PREX2: variants seen among roughly 807,000 people sequenced by gnomAD.
PREX2 encodes the protein phosphatidylinositol 3,4,5-trisphosphate-dependent Rac exchanger 2 protein.
PREX2 carries 107 observed loss-of-function variants against 203.2 expected under a neutral mutation model. The ratio of observed to expected loss-of-function variants is 0.53; its 90% confidence interval spans 0.45 to 0.62. PREX2 has a LOEUF of 0.62. Among genes scored for constraint, PREX2 ranks in the 20% least tolerant of loss-of-function variants. The pLI is 0.00. For synonymous variants in PREX2, 672 were observed against 663.6 expected (o/e 1.01, Z -0.19); for missense variants, 1,777 against 1,955.9 (o/e 0.91, Z 1.72).
chr8:68,211,094 C>T (rs1297271722), intron 37 of PREX2, among the ~76,000 whole-genome samples: 1 of 152,144 alleles, frequency 6.6e-6, no homozygotes, highest in East Asian at 1.9e-4. Flanking sequence ...AGTTCACATG[C>T]TTTTCCTGAC....
rs1338403191 is a variant in PREX2 at position 68,090,677 on chromosome 8, C to G, written c.2212C>G (p.His738Asp). ...SKETHASVIA[H>D]VTACRKYRRP... ...AGAGACACATGCCAGTGTCATTGCACACGTTACAGCCTGCAGGAAGTACAG... is the reference window on the plus strand; with the variant it reads ...AGAGACACATGCCAGTGTCATTGCAGACGTTACAGCCTGCAGGAAGTACAG... Residue 738 changes from histidine (H) to aspartate (D), a missense_variant, in exon 20 of 40, where the codon CAC (histidine) becomes GAC (aspartate). Transcript: ENST00000288368. 1.2e-6 allele frequency: 2 copies of G among 1,613,960 alleles called. No homozygotes were observed. The highest frequency in any genetic ancestry group is 1.1e-5 in the South Asian group (1 of 91,064).
rs146962684 is a variant in PREX2 at position 68,192,347 on chromosome 8, C to G, written c.4426C>G (p.Leu1476Val). ...TTTTTTTCTGCAGCTAATGAGGCCTCTCAACGCTTTGGATGAACTTTACCG... is the reference window on the plus strand; with the variant it reads ...TTTTTTTCTGCAGCTAATGAGGCCTGTCAACGCTTTGGATGAACTTTACCG... ...AAYVDKLMRP[L>V]NALDELYRLV... The change falls in exon 37 of 40, where the codon CTC becomes GTC. Residue 1476 changes from leucine to valine, a missense_variant. Physicochemically the swap from Leu to Val is conservative, Grantham distance 32 (BLOSUM62 1). Transcript: ENST00000288368. The G allele has an allele frequency of 1.5e-5, 24 of 1,600,864 alleles. No individual in the cohort carries two copies. In the African/African-American group the frequency reaches 3.1e-4, roughly 21 times the overall value.
chr8:68,194,587 T>C, intron 37 of PREX2, among the ~76,000 whole-genome samples: 1 of 150,858 alleles, frequency 6.6e-6, no homozygotes, highest in Non-Finnish European at 1.5e-5. Context: ...GGTCAGGAGT[T>C]CGAGAGCAAA....
At position 68,235,314 on chromosome 8, in the gene PREX2, A is replaced by C. The variant is rs1427600484; in HGVS notation, c.*3936A>C. The C allele has an allele frequency of 6.6e-6, 1 of 152,144 alleles. No homozygotes were observed. Among genetic ancestry groups the C allele is most frequent in the East Asian group, 1.9e-4 (1 of 5,194 alleles). 9.4% of individuals were successfully genotyped at this position (152,144 alleles called of 1,614,324 possible). A position where few individuals can be genotyped will look rare whatever the true frequency, so the allele number is the denominator to read the frequency against. ...AGACTTTATGCACTAGTGGTATTGA[A>C]ACTAACCTTTAATATTTGACTAAAT... On this transcript the variant is annotated 3_prime_UTR_variant, in exon 40 of 40. Coordinates refer to ENST00000288368, the MANE Select transcript of PREX2 (RefSeq NM_024870.4).
chr8:68,018,837 G>C (rs982035276), intron 2 of PREX2, among the ~76,000 whole-genome samples: 3 of 152,058 alleles, frequency 2.0e-5, no homozygotes, highest in African/African-American at 4.8e-5. Context: ...TATTTTGCTG[G>C]AAATATAAAA....
chr8:68,198,774 G>C (rs1024040687), intron 37 of PREX2, among the ~76,000 whole-genome samples: 23 of 152,170 alleles, frequency 1.5e-4, no homozygotes, highest in African/African-American at 4.3e-4. Flanking sequence ...TCTAGTGAAG[G>C]TGAGAAATCT....
chr8:68,176,474 C>T (rs1301380368), intron 35 of PREX2, among the ~76,000 whole-genome samples: 1 of 152,138 alleles, frequency 6.6e-6, no homozygotes, highest in African/African-American at 2.4e-5. Flanking sequence ...GTTGGCCAAA[C>T]TTGGATTCCA....
chr8:68,109,740 A>T, intron 25 of PREX2, 117 bp downstream of exon 25: 1 of 789,816 alleles, frequency 1.3e-6, no homozygotes, highest in Non-Finnish European at 2.1e-6. Context: ...ATTTGTGCTG[A>T]TTATATAGAT....
intron 26 of PREX2, among the ~76,000 whole-genome samples, chr8:68,116,503 C>G (rs1219004536): frequency 6.6e-6 from 1 of 152,154 alleles, no homozygotes; most frequent in Non-Finnish European, 1.5e-5. Flanking sequence ...TCACACAGTT[C>G]TGGAGGCCAA....
In PREX2 at chr8:67,976,509, CAGACAG is replaced by C. The variant is rs1216701428; in HGVS notation, c.141+23990_141+23995del. On this transcript the variant is annotated intron_variant, in intron 1 of 39. Transcript: ENST00000288368. ...GAGGGGAGAGAGACAGAGAGAGGGACAGACAGAGACAGAGACAGAGAGAGAGAGACG... is the reference window on the plus strand; with the variant it reads ...GAGGGGAGAGAGACAGAGAGAGGGACAGACAGAGACAGAGAGAGAGAGACG... 1.5e-3 allele frequency among the ~76,000 whole-genome samples: 75 copies of C among 49,130 alleles called. 2 individuals carry two copies. Among genetic ancestry groups the C allele is most frequent in the African/African-American group, 4.6e-3 (64 of 13,784 alleles). 32.2% of individuals were successfully genotyped at this position (49,130 alleles called of 152,430 possible).
intron 35 of PREX2, among the ~76,000 whole-genome samples, chr8:68,178,892 A>AAAACATC (rs1306280358): frequency 4.6e-5 from 7 of 152,328 alleles, no homozygotes; most frequent in African/African-American, 1.7e-4. Flanking sequence ...ATTACATATA[A>AAAACATC]AAACATCAAT....
chr8:67,994,265 A>G (rs1237015743), intron 1 of PREX2, among the ~76,000 whole-genome samples: 1 of 152,212 alleles, frequency 6.6e-6, no homozygotes, highest in Non-Finnish European at 1.5e-5. Flanking sequence ...GGCTGAGATC[A>G]CAGCTAACGC....
intron 14 of PREX2, 102 bp from the exon 15 acceptor site, chr8:68,077,295 G>C: frequency 1.2e-6 from 1 of 815,190 alleles, no homozygotes. Context: ...CTTTATAAGC[G>C]AAGCTTTGTC....
intron 8 of PREX2, among the ~76,000 whole-genome samples, chr8:68,046,168 C>T (rs553242561): frequency 1.3e-5 from 2 of 152,146 alleles, no homozygotes; most frequent in African/African-American, 4.8e-5. Flanking sequence ...AGTCCCTGGC[C>T]TTATTTCCTG....
intron 37 of PREX2, among the ~76,000 whole-genome samples, chr8:68,192,894 T>C (rs1812326109): frequency 6.6e-6 from 1 of 152,226 alleles, no homozygotes; most frequent in African/African-American, 2.4e-5. Context: ...GACATTCCAC[T>C]ATTCAGTGGT....
intron 11 of PREX2, among the ~76,000 whole-genome samples, chr8:68,066,956 G>A (rs1447403118): frequency 6.6e-6 from 1 of 152,014 alleles, no homozygotes; most frequent in Non-Finnish European, 1.5e-5. Context: ...TAGATATCCA[G>A]TTTTCCCAGC....
At chr8:67,957,192 C>T (rs565050602) in intron 1 of PREX2, among the ~76,000 whole-genome samples, 6 of 152,216 alleles carry the variant, frequency 3.9e-5, no homozygotes, top group Non-Finnish European at 8.8e-5. Context: ...CACTTCTCTT[C>T]GTTTCCTCCT....
At chr8:68,135,324 A>G (rs1048882291) in intron 32 of PREX2, among the ~76,000 whole-genome samples, 1 of 152,202 alleles carries the variant, frequency 6.6e-6, no homozygotes. Flanking sequence ...AATATTTACA[A>G]ATCATATATT....
intron 34 of PREX2, 27 bp downstream of exon 34, chr8:68,146,379 C>A (rs775923273): frequency 1.9e-6 from 3 of 1,557,756 alleles, no homozygotes; most frequent in East Asian, 4.5e-5. Flanking sequence ...TTGATGGCTG[C>A]TATACTTTAA....
Sources: gnomAD v4.1 joint callset for allele counts (sites outside exome capture counted in the v4.1 genomes callset) on GRCh38, gnomAD v4.1.1 for gene constraint, MANE v1.5 for transcripts, NCBI Gene and HGNC (gene_info 2026-07-23, HGNC 2026-07-21) for gene names.